Variants in SLC24A2 observed in about 807,000 individuals in gnomAD.
The protein encoded by SLC24A2 is sodium/potassium/calcium exchanger 2.
A neutral mutation model predicts 62.0 loss-of-function variants in SLC24A2; 36 were observed. That is an observed-to-expected ratio of 0.58 (90% CI 0.44 to 0.77). The LOEUF is 0.77. SLC24A2 is among the 30% of genes least tolerant of loss of function. The pLI, the probability that SLC24A2 is intolerant of heterozygous loss-of-function variation, is 0.00. For synonymous variants in SLC24A2, 358 were observed against 294.0 expected, an observed-to-expected ratio of 1.22 and a Z score of -2.23; for missense variants, 846 against 817.9, an observed-to-expected ratio of 1.03 and a Z score of -0.42.
chr9:20,166,361 T>A, the SLC24A2 span, among the ~76,000 whole-genome samples: 1 of 152,004 alleles, frequency 6.6e-6, no homozygotes, highest in Non-Finnish European at 1.5e-5. Context: ...ACTATCTAAG[T>A]GTCCAAAAAT....
At chr9:19,995,523 A>G in the SLC24A2 span, among the ~76,000 whole-genome samples, 1 of 152,226 alleles carries the variant, frequency 6.6e-6, no homozygotes, top group Admixed American at 6.5e-5. Flanking sequence ...TCATAAGAAC[A>G]CTAGATATTT....
Position 19,565,500 on chromosome 9 carries a change from T to C in SLC24A2, c.1347+7851A>G, listed in dbSNP as rs929462570. ...CAAATGGAAGAACATTCCATGCTCA[T>C]GGGTAGGAAGAATCAATATTGTGAA... On this transcript the variant is annotated intron_variant, in intron 7 of 10. Coordinates refer to ENST00000341998, the MANE Select transcript of SLC24A2 (RefSeq NM_020344.4). Among the ~76,000 whole-genome samples the C allele has an allele frequency of 2.6e-4, 40 of 151,076 alleles. No individual in the cohort carries two copies. The South Asian group carries it at 3.0e-3, about 11-fold the overall frequency.
At chr9:19,704,429 G>C (rs1441565159) in intron 2 of SLC24A2, among the ~76,000 whole-genome samples, 5 of 152,158 alleles carry the variant, frequency 3.3e-5, no homozygotes, top group African/African-American at 1.2e-4. Context: ...AAGACAGACA[G>C]ATGGGAAGAA....
chr9:19,832,426 C>G, the SLC24A2 span, among the ~76,000 whole-genome samples: 6 of 152,154 alleles, frequency 3.9e-5, no homozygotes, highest in African/African-American at 1.4e-4. Flanking sequence ...AATGATCAAC[C>G]AAGTCATGTT....
chr9:20,202,725 T>C, the SLC24A2 span, among the ~76,000 whole-genome samples: 1 of 152,106 alleles, frequency 6.6e-6, no homozygotes, highest in East Asian at 1.9e-4. Flanking sequence ...GATATATTGC[T>C]GGATTACAGA....
intron 1 of SLC24A2, among the ~76,000 whole-genome samples, chr9:19,787,494 G>C (rs1375445058): frequency 6.6e-6 from 1 of 152,162 alleles, no homozygotes; most frequent in Non-Finnish European, 1.5e-5. Context: ...ATAATTCTCA[G>C]TTGTAGGCAA....
At chr9:19,880,131 AT>A in the SLC24A2 span, among the ~76,000 whole-genome samples, 1 of 152,218 alleles carries the variant, frequency 6.6e-6, no homozygotes, top group Admixed American at 6.5e-5. Flanking sequence ...GTAAGGCAGT[AT>A]TATAATGCAA....
At chr9:19,963,109 A>C in the SLC24A2 span, among the ~76,000 whole-genome samples, 3 of 151,174 alleles carry the variant, frequency 2.0e-5, no homozygotes, top group African/African-American at 7.3e-5. Context: ...CAAAAACAAG[A>C]AATGGGGAAA....
intron 2 of SLC24A2, among the ~76,000 whole-genome samples, chr9:19,766,153 T>C (rs1349967532): frequency 6.6e-6 from 1 of 152,206 alleles, no homozygotes; most frequent in Non-Finnish European, 1.5e-5. Flanking sequence ...AGTCAGGTCA[T>C]TTATGTTCTT....
At chr9:20,240,393 A>G in the SLC24A2 span, among the ~76,000 whole-genome samples, 1 of 152,184 alleles carries the variant, frequency 6.6e-6, no homozygotes, top group African/African-American at 2.4e-5. Context: ...TGGAGGAAAT[A>G]TATAAATGAA....
At chr9:20,009,217 A>C in the SLC24A2 span, among the ~76,000 whole-genome samples, 1 of 152,038 alleles carries the variant, frequency 6.6e-6, no homozygotes, top group African/African-American at 2.4e-5. Context: ...ACTGAGAGTA[A>C]CAGCAGGGCT....
the SLC24A2 span, among the ~76,000 whole-genome samples, chr9:20,156,015 G>A: frequency 6.6e-6 from 1 of 151,524 alleles, no homozygotes; most frequent in Non-Finnish European, 1.5e-5. Context: ...TTTTATAAAA[G>A]CCTATTACTC....
chr9:19,546,321 G>C (rs777607160), intron 8 of SLC24A2, among the ~76,000 whole-genome samples: 3 of 152,214 alleles, frequency 2.0e-5, no homozygotes, highest in Non-Finnish European at 4.4e-5. Context: ...CTCTGTCCCA[G>C]GGAGATGGGG....
At chr9:19,553,824 A>G (rs1180859902) in intron 7 of SLC24A2, among the ~76,000 whole-genome samples, 6 of 152,190 alleles carry the variant, frequency 3.9e-5, no homozygotes, top group Non-Finnish European at 8.8e-5. Context: ...ATTCCAAAGA[A>G]TTACTGCAGT....
the SLC24A2 span, among the ~76,000 whole-genome samples, chr9:20,013,745 A>C: frequency 1.3e-5 from 2 of 152,230 alleles, no homozygotes; most frequent in African/African-American, 4.8e-5. Context: ...TAAGAAAATA[A>C]CCTGATTGAA....
At chr9:20,305,412 C>T in the SLC24A2 span, among the ~76,000 whole-genome samples, 1 of 152,016 alleles carries the variant, frequency 6.6e-6, no homozygotes, top group African/African-American at 2.4e-5. Context: ...GCCGATAATA[C>T]CATTTTAATA....
At chr9:19,741,046 C>G (rs1227401291) in intron 2 of SLC24A2, among the ~76,000 whole-genome samples, 1 of 152,166 alleles carries the variant, frequency 6.6e-6, no homozygotes, top group South Asian at 2.1e-4. Context: ...TAAGATGTTG[C>G]TATCCTCTGT....
chr9:19,809,818 A>G, the SLC24A2 span, among the ~76,000 whole-genome samples: 2 of 152,076 alleles, frequency 1.3e-5, no homozygotes, highest in Non-Finnish European at 2.9e-5. Flanking sequence ...CCGTTGCATC[A>G]GCCACCTGCT....
the SLC24A2 span, among the ~76,000 whole-genome samples, chr9:19,986,920 T>C: frequency 6.6e-6 from 1 of 152,124 alleles, no homozygotes; most frequent in Admixed American, 6.6e-5. Context: ...CAGTTTAAAA[T>C]GGTTAATATT....
Sources: gnomAD v4.1 joint callset for allele counts (sites outside exome capture counted in the v4.1 genomes callset) on GRCh38, gnomAD v4.1.1 for gene constraint, MANE v1.5 for transcripts, NCBI Gene and HGNC (gene_info 2026-07-23, HGNC 2026-07-21) for gene names.